Variants in PTPN12 observed in about 807,000 individuals in gnomAD.
The protein encoded by PTPN12 is tyrosine-protein phosphatase non-receptor type 12.
Under a neutral mutation model 97.6 loss-of-function variants are expected in PTPN12, and 29 were observed. The observed-to-expected ratio is 0.30, with a 90% confidence interval of 0.22 to 0.41. The LOEUF (loss-of-function observed/expected upper bound fraction) is 0.41. Ranked by LOEUF, PTPN12 falls within the 10% of genes least tolerant of loss-of-function variation. The pLI is 1.00. For missense variants in PTPN12, 819 were observed against 926.0 expected, an observed-to-expected ratio of 0.88 and a Z score of 1.50; for synonymous variants, 327 against 300.4, an observed-to-expected ratio of 1.09 and a Z score of -0.91.
chr7:77,543,681 C>G (rs961353309), intron 1 of PTPN12, among the ~76,000 whole-genome samples: 1 of 152,096 alleles, frequency 6.6e-6, no homozygotes, highest in African/African-American at 2.4e-5. Flanking sequence ...CCCCGCCTTC[C>G]CATAAGCCCC....
chr7:77,581,641 A>G (rs1434758287), intron 3 of PTPN12, 138 bp downstream of exon 3: 6 of 449,426 alleles, frequency 1.3e-5, no homozygotes, highest in South Asian at 5.2e-5. Context: ...CCCTGGCACA[A>G]TGTTTTTATA....
intron 1 of PTPN12, among the ~76,000 whole-genome samples, chr7:77,563,519 T>C (rs1481410818): frequency 1.3e-5 from 2 of 152,232 alleles, no homozygotes; most frequent in Admixed American, 1.3e-4. Context: ...AAAAATTTCA[T>C]GAAGATGATT....
At chr7:77,564,896 T>C (rs1453913287) in intron 1 of PTPN12, among the ~76,000 whole-genome samples, 1 of 151,894 alleles carries the variant, frequency 6.6e-6, no homozygotes, top group Non-Finnish European at 1.5e-5. Context: ...TAGCTTGGAT[T>C]ACAGGCATGC....
rs1584189041 is a variant in PTPN12, at chr7:77,610,832, TACAA to T, written c.836_839del (p.Thr279ArgfsTer34). 1 of 1,607,704 alleles carries T rather than the reference TACAA, an allele frequency of 6.2e-7. No homozygotes were observed. Among genetic ancestry groups the T allele is most frequent in the Non-Finnish European group, 8.5e-7 (1 of 1,178,454 alleles). On this transcript the variant is annotated frameshift_variant, in exon 10 of 18. Transcript: ENST00000248594. LOFTEE classifies it high-confidence loss of function. ...ATGAGAACACAAAGGCATTCTGCAG[TACAA>T]ACAAAGGTATAGTTGTTTGTTTCCC... is the stretch of plus-strand genomic sequence containing the variant.
chr7:77,618,511 C>T lies in PTPN12; in HGVS notation c.971C>T (p.Ser324Phe). Residue 324 changes from serine to phenylalanine, a missense_variant, in exon 12 of 18, where the codon TCC becomes TTC. This residue lies in a region of PTPN12 where 607 missense variants were observed against 577.3 expected (regional missense o/e 1.05). Coordinates refer to ENST00000248594, the MANE Select transcript of PTPN12 (RefSeq NM_002835.4). ...NEINTENMVSSIEPEKQDSPP... is the reference protein window; with the variant it reads ...NEINTENMVSFIEPEKQDSPP... ...ATTAACACTGAAAACATGGTCAGCT[C>T]CATAGAGCCTGAAAAACAAGATTCT... 1 of 1,608,970 alleles carries T rather than the reference C, an allele frequency of 6.2e-7. No individual in the cohort carries two copies. The highest frequency in any genetic ancestry group is 8.5e-7 in the Non-Finnish European group (1 of 1,176,162).
chr7:77,630,211 T>C (rs958020178), intron 13 of PTPN12, among the ~76,000 whole-genome samples: 1 of 152,130 alleles, frequency 6.6e-6, no homozygotes, highest in Non-Finnish European at 1.5e-5. Context: ...ACTTTATAGA[T>C]TGTTTATTTA....
In PTPN12 at chr7:77,568,360, A is replaced by AT. The variant is rs1455425839; in HGVS notation, c.100-2717dup. ...AAGAAAAGTCTGGAGTGGGCCAGGC[A>AT]TGGTGGCTTACACTTGTATTCCCCA... On this transcript the variant is annotated intron_variant, in intron 1 of 17. Transcript: ENST00000248594. Among the ~76,000 whole-genome samples, 27 of 152,150 alleles carry AT rather than the reference A, an allele frequency of 1.8e-4. 1 individual carries two copies. Among genetic ancestry groups the AT allele is most frequent in the Admixed American group, 1.7e-3 (26 of 15,266 alleles).
At chr7:77,554,438 C>G (rs904453515) in intron 1 of PTPN12, among the ~76,000 whole-genome samples, 2 of 152,172 alleles carry the variant, frequency 1.3e-5, no homozygotes, top group Non-Finnish European at 2.9e-5. Flanking sequence ...ATCTCACTTA[C>G]AAATAAACAT....
intron 4 of PTPN12, chr7:77,585,089 T>C (rs1261817906): frequency 6.6e-6 from 1 of 152,552 alleles, no homozygotes; most frequent in East Asian, 1.9e-4. Flanking sequence ...AATTCTCAAC[T>C]ATGCTGTGTG....
At chr7:77,556,723 G>A (rs1394669679) in intron 1 of PTPN12, among the ~76,000 whole-genome samples, 1 of 151,958 alleles carries the variant, frequency 6.6e-6, no homozygotes, top group Non-Finnish European at 1.5e-5. Context: ...CCAGCTACTC[G>A]GGAGGCTGAG....
At chr7:77,570,477 C>T (rs894793433) in intron 1 of PTPN12, among the ~76,000 whole-genome samples, 3 of 152,170 alleles carry the variant, frequency 2.0e-5, no homozygotes, top group African/African-American at 4.8e-5. Flanking sequence ...ATTACTGACA[C>T]GCAGAAATAT....
At chr7:77,638,911 A>G (rs923492744) in intron 17 of PTPN12, 180 bp downstream of exon 17, 1 of 1,129,078 alleles carries the variant, frequency 8.9e-7, no homozygotes, top group Non-Finnish European at 1.2e-6. Flanking sequence ...TTAAAAACTA[A>G]AATAGAAAAC....
At chr7:77,625,518 T>TCTCTCTCA (rs1789131150) in intron 12 of PTPN12, among the ~76,000 whole-genome samples, 2 of 82,042 alleles carry the variant, frequency 2.4e-5, no homozygotes, top group Non-Finnish European at 4.8e-5. Context: ...TCTCTCTCTC[T>TCTCTCTCA]CTCTCACTCT....
At chr7:77,558,419 G>A (rs1381783471) in intron 1 of PTPN12, among the ~76,000 whole-genome samples, 4 of 152,026 alleles carry the variant, frequency 2.6e-5, no homozygotes, top group African/African-American at 9.7e-5. Context: ...AAAAATACTT[G>A]CATATGTGCA....
intron 1 of PTPN12, among the ~76,000 whole-genome samples, chr7:77,547,666 G>A (rs1309532137): frequency 5.9e-5 from 9 of 152,218 alleles, no homozygotes; most frequent in African/African-American, 2.2e-4. Context: ...TGCTCCAGTG[G>A]AAGTATATTC....
chr7:77,591,207 C>T (rs1787857070), intron 5 of PTPN12, among the ~76,000 whole-genome samples: 1 of 152,140 alleles, frequency 6.6e-6, no homozygotes. Context: ...TTCATTCAGC[C>T]TATAGGTAAT....
rs768812738 is a variant in PTPN12, at chr7:77,626,781, C to A, written c.1102C>A (p.Pro368Thr). ...EPHPVPPILTPSPPSAFPTVT... is the reference protein window; with the variant it reads ...EPHPVPPILTTSPPSAFPTVT... ...TCATCCAGTGCCACCCATCTTGACA[C>A]CTTCTCCCCCTTCAGCTTTTCCAAC... Residue 368 changes from proline to threonine, a missense_variant, in exon 13 of 18, where the codon CCT becomes ACT. Physicochemically the swap from Pro to Thr is conservative, Grantham distance 38. Coordinates refer to ENST00000248594, the MANE Select transcript of PTPN12 (RefSeq NM_002835.4). 1.2e-6 allele frequency: 2 copies of A among 1,613,920 alleles called. No homozygotes were observed. Among genetic ancestry groups the A allele is most frequent in the Non-Finnish European group, 1.7e-6 (2 of 1,179,834 alleles).
intron 1 of PTPN12, among the ~76,000 whole-genome samples, chr7:77,568,445 C>T (rs531860910): frequency 1.1e-4 from 16 of 152,112 alleles, no homozygotes; most frequent in Middle Eastern, 3.4e-3. Flanking sequence ...GACCAGCCTC[C>T]GCAACATACA....
At chr7:77,540,988 T>C (rs572486353) in intron 1 of PTPN12, among the ~76,000 whole-genome samples, 1 of 152,214 alleles carries the variant, frequency 6.6e-6, no homozygotes, top group Non-Finnish European at 1.5e-5. Flanking sequence ...ACACTCCACT[T>C]GCCTGACTGG....
Sources: allele counts gnomAD v4.1 joint callset (sites outside exome capture counted in the v4.1 genomes callset), GRCh38; gene constraint gnomAD v4.1.1; regional missense constraint gnomAD v4.1.1; transcripts MANE v1.5; gene names NCBI Gene and HGNC (gene_info 2026-07-23, HGNC 2026-07-21).